Variants in CFAP299 observed in about 807,000 individuals in gnomAD.
CFAP299 encodes cilia- and flagella-associated protein 299.
CFAP299 carries 21 observed loss-of-function variants against 27.0 expected under a neutral mutation model. That is an observed-to-expected ratio of 0.78 (90% CI 0.55 to 1.12). CFAP299 has a LOEUF of 1.12. Ranked by LOEUF, CFAP299 falls within the 50% of genes most tolerant of loss-of-function variation. CFAP299 has a pLI of 0.00. For missense variants in CFAP299, 310 were observed against 276.6 expected, an observed-to-expected ratio of 1.12 and a Z score of -0.86; for synonymous variants, 104 against 98.1, an observed-to-expected ratio of 1.06 and a Z score of -0.36.
chr4:80,690,099 C>T (rs1198068340), intron 3 of CFAP299, among the ~76,000 whole-genome samples: 1 of 149,162 alleles, frequency 6.7e-6, no homozygotes, highest in Non-Finnish European at 1.5e-5. Flanking sequence ...TAATGGGAGA[C>T]TTTAACACCC....
chr4:80,568,720 A>AT (rs1197440291), intron 2 of CFAP299, among the ~76,000 whole-genome samples: 1 of 152,118 alleles, frequency 6.6e-6, no homozygotes, highest in East Asian at 1.9e-4. Flanking sequence ...AAAGGATGGC[A>AT]TGAAGGAGAT....
At chr4:80,492,243 C>T (rs185345662) in intron 2 of CFAP299, among the ~76,000 whole-genome samples, 99 of 152,246 alleles carry the variant, frequency 6.5e-4, no homozygotes, top group Middle Eastern at 6.8e-3. Context: ...AGCTGTGCCC[C>T]GACCACCTTG....
chr4:80,368,569 G>T (rs926608081), intron 2 of CFAP299, among the ~76,000 whole-genome samples: 4 of 151,940 alleles, frequency 2.6e-5, no homozygotes, highest in Admixed American at 2.0e-4. Context: ...AGATAGAACT[G>T]CCTGAGCCCA....
intron 3 of CFAP299, among the ~76,000 whole-genome samples, chr4:80,671,335 T>G (rs1741469670): frequency 6.6e-6 from 1 of 152,196 alleles, no homozygotes; most frequent in Non-Finnish European, 1.5e-5. Context: ...CTCTGTTGTG[T>G]TCCATTGGTC....
At chr4:80,385,897 G>T (rs897407718) in intron 2 of CFAP299, among the ~76,000 whole-genome samples, 5 of 152,236 alleles carry the variant, frequency 3.3e-5, no homozygotes, top group Non-Finnish European at 5.9e-5. Flanking sequence ...CCAGCGGGAC[G>T]CTGGGCTGCT....
In CFAP299 at chr4:80,752,434, A is replaced by G. The variant is rs1724989164; in HGVS notation, c.334-117559A>G. Among the ~76,000 whole-genome samples, 3 of 135,388 alleles carry G rather than the reference A, an allele frequency of 2.2e-5. No individual in the cohort carries two copies. The South Asian group carries it at 7.2e-4, about 32-fold the overall frequency. 88.8% of individuals were successfully genotyped at this position (135,388 alleles called of 152,430 possible). ...TATATATACACATATATATAAATAAATATATATATACTATATATATAAAAT... is the reference window on the plus strand; with the variant it reads ...TATATATACACATATATATAAATAAGTATATATATACTATATATATAAAAT... On this transcript the variant is annotated intron_variant, in intron 3 of 5. Coordinates refer to ENST00000358105, the MANE Select transcript of CFAP299 (RefSeq NM_152770.3).
intron 2 of CFAP299, among the ~76,000 whole-genome samples, chr4:80,582,264 A>G (rs931543206): frequency 2.0e-5 from 3 of 151,834 alleles, no homozygotes; most frequent in African/African-American, 2.4e-5. Flanking sequence ...TACTCGGTCT[A>G]TATCTCTGTT....
chr4:80,688,437 C>T (rs1720389378), intron 3 of CFAP299, among the ~76,000 whole-genome samples: 1 of 152,068 alleles, frequency 6.6e-6, no homozygotes, highest in Non-Finnish European at 1.5e-5. Context: ...CACACTGACA[C>T]CTCACACAGC....
chr4:80,949,616 C>A (rs751350600), intron 5 of CFAP299, among the ~76,000 whole-genome samples: 1 of 149,734 alleles, frequency 6.7e-6, no homozygotes. Flanking sequence ...GGGGGAGAAT[C>A]GAACACATAA....
At chr4:80,594,939 T>C (rs142348128) in intron 3 of CFAP299, among the ~76,000 whole-genome samples, 113 of 152,280 alleles carry the variant, frequency 7.4e-4, no homozygotes, top group African/African-American at 2.5e-3. Flanking sequence ...GGAGAGGAGC[T>C]TTCCATTAGT....
At chr4:80,563,791 A>T (rs559701095) in intron 2 of CFAP299, among the ~76,000 whole-genome samples, 4 of 152,220 alleles carry the variant, frequency 2.6e-5, no homozygotes, top group African/African-American at 9.6e-5. Context: ...CAAAATTGAC[A>T]AACCTCTAAC....
At chr4:80,734,533 T>C (rs924749581) in intron 3 of CFAP299, among the ~76,000 whole-genome samples, 10 of 152,110 alleles carry the variant, frequency 6.6e-5, no homozygotes, top group Admixed American at 4.6e-4. Context: ...ATTCAAGAAA[T>C]TTTTGCCCAG....
At chr4:80,457,819 A>T (rs1199436441) in intron 2 of CFAP299, among the ~76,000 whole-genome samples, 1 of 152,200 alleles carries the variant, frequency 6.6e-6, no homozygotes, top group Non-Finnish European at 1.5e-5. Context: ...GGAGCCATCT[A>T]CAATAGAGAC....
intron 1 of CFAP299, among the ~76,000 whole-genome samples, chr4:80,346,455 G>A (rs1722730321): frequency 6.6e-6 from 1 of 152,296 alleles, no homozygotes; most frequent in East Asian, 1.9e-4. Flanking sequence ...TTTTGTATAA[G>A]GTGTAAGGAA....
At chr4:80,950,324 A>G (rs1444029632) in intron 5 of CFAP299, among the ~76,000 whole-genome samples, 1 of 149,396 alleles carries the variant, frequency 6.7e-6, no homozygotes, top group Non-Finnish European at 1.5e-5. Flanking sequence ...GTGAATCTGG[A>G]AGGTAGATTT....
intron 3 of CFAP299, among the ~76,000 whole-genome samples, chr4:80,594,692 G>A (rs1290216105): frequency 6.6e-6 from 1 of 151,902 alleles, no homozygotes; most frequent in Non-Finnish European, 1.5e-5. Flanking sequence ...TGCTTTGCTT[G>A]TTTTAAAATT....
intron 4 of CFAP299, among the ~76,000 whole-genome samples, chr4:80,934,508 A>C (rs1170613036): frequency 6.6e-6 from 1 of 151,980 alleles, no homozygotes; most frequent in African/African-American, 2.4e-5. Flanking sequence ...AATGTTTGGA[A>C]GCATTCACAA....
At chr4:80,960,318 A>G (rs1738283176) in intron 5 of CFAP299, among the ~76,000 whole-genome samples, 1 of 151,922 alleles carries the variant, frequency 6.6e-6, no homozygotes, top group Non-Finnish European at 1.5e-5. Context: ...CAGGGGATCC[A>G]TGAGCACAAA....
the CFAP299 span, among the ~76,000 whole-genome samples, chr4:80,325,647 A>G: frequency 5.3e-5 from 8 of 152,186 alleles, no homozygotes; most frequent in Non-Finnish European, 8.8e-5. Context: ...CCACTGCCAC[A>G]TTGTTTCTTA....
Sources: gnomAD v4.1 joint callset for allele counts (sites outside exome capture counted in the v4.1 genomes callset) on GRCh38, gnomAD v4.1.1 for gene constraint, MANE v1.5 for transcripts, NCBI Gene and HGNC (gene_info 2026-07-23, HGNC 2026-07-21) for gene names.